The following NMNAT1 variants were observed in gnomAD, a reference collection of about 807,000 sequenced individuals.
NMNAT1 encodes nicotinamide nucleotide adenylyltransferase 1, also known as nicotinamide/nicotinic acid mononucleotide adenylyltransferase 1.
In NMNAT1, 11 loss-of-function variants were observed where a neutral mutation model predicts 16.7. That is an observed-to-expected ratio of 0.66 (90% confidence interval 0.41 to 1.09). NMNAT1 has a LOEUF of 1.09. NMNAT1 is among the 50% of genes least tolerant of loss of function. The probability of loss-of-function intolerance (pLI) is 0.00; values close to 1 mark genes in which losing one functional copy is unlikely to be tolerated. For missense variants in NMNAT1, 280 were observed against 332.3 expected, an observed-to-expected ratio of 0.84 and a Z score of 1.22; for synonymous variants, 110 against 119.8, an observed-to-expected ratio of 0.92 and a Z score of 0.53.
At chr1:9,944,347 A>C (rs1002152560) in intron 1 of NMNAT1, among the ~76,000 whole-genome samples, 3 of 152,178 alleles carry the variant, frequency 2.0e-5, no homozygotes, top group Non-Finnish European at 4.4e-5. Context: ...GGATCATTTG[A>C]GCCCAGGCTG....
intron 1 of NMNAT1, among the ~76,000 whole-genome samples, chr1:9,960,221 G>A (rs947064247): frequency 1.1e-4 from 17 of 151,954 alleles, no homozygotes; most frequent in African/African-American, 4.1e-4. Flanking sequence ...GGATTTGAAG[G>A]CTGCAGTGAG....
At chr1:9,989,318 C>G (rs1337162059), downstream of NMNAT1, among the ~76,000 whole-genome samples, 1 of 152,080 alleles carries the variant, frequency 6.6e-6, no homozygotes, top group Non-Finnish European at 1.5e-5. Context: ...ATTAGCCAGG[C>G]ATGGTGGCGG....
intron 1 of NMNAT1, chr1:9,951,396 A>G (rs1345579910): frequency 6.6e-6 from 1 of 152,216 alleles, no homozygotes; most frequent in Non-Finnish European, 1.5e-5. Context: ...GAAGGTGCCA[A>G]TTTAGCAAGA....
At chr1:9,976,002 T>G in intron 3 of NMNAT1, among the ~76,000 whole-genome samples, 1 of 152,092 alleles carries the variant, frequency 6.6e-6, no homozygotes, top group East Asian at 1.9e-4. Flanking sequence ...TTAAGTTGTT[T>G]GCGGCCAGGC....
chr1:9,987,655 A>ATAAAT (rs563998686), downstream of NMNAT1, among the ~76,000 whole-genome samples: 341 of 151,814 alleles, frequency 2.2e-3, 3 homozygotes, highest in South Asian at 0.017. Flanking sequence ...AAATAAATAA[A>ATAAAT]TAAATTAAAT....
rs12035271 is a variant in NMNAT1 at position 9,961,903 on chromosome 1, G to T, written c.-56-10115G>T. Among the ~76,000 whole-genome samples, 3 of 151,980 alleles carry T rather than the reference G, an allele frequency of 2.0e-5. No individual in the cohort carries two copies. The East Asian group carries it at 5.9e-4, about 30-fold the overall frequency. The stretch of plus-strand genomic sequence containing the variant: ...TCTGCCTCAGCCTCCCAAGTAGCTG[G>T]GATTATGGGCATGTGCCACCATACC... On this transcript the variant is annotated intron_variant, in intron 1 of 4. Coordinates refer to ENST00000377205, the MANE Select transcript of NMNAT1 (RefSeq NM_022787.4).
At chr1:9,986,162 A>G (rs1280393304), downstream of NMNAT1, among the ~76,000 whole-genome samples, 2 of 152,202 alleles carry the variant, frequency 1.3e-5, no homozygotes, top group African/African-American at 2.4e-5. Context: ...AAGCCGCCCA[A>G]TAAATTTTTC....
At chr1:9,960,876 C>G (rs1438624275) in intron 1 of NMNAT1, 1 of 152,292 alleles carries the variant, frequency 6.6e-6, no homozygotes, top group Non-Finnish European at 1.5e-5. Context: ...ACCCATTCAT[C>G]AATCGGCCAC....
intron 1 of NMNAT1, among the ~76,000 whole-genome samples, chr1:9,949,157 C>T (rs1007729641): frequency 6.6e-6 from 1 of 151,020 alleles, no homozygotes; most frequent in Non-Finnish European, 1.5e-5. Flanking sequence ...GTAATCCCAG[C>T]TACGTGGGAG....
the NMNAT1 span, among the ~76,000 whole-genome samples, chr1:9,993,602 G>A: frequency 1.3e-5 from 2 of 152,134 alleles, no homozygotes; most frequent in East Asian, 3.8e-4. Context: ...TGTTTTGAGG[G>A]ACTCAGAAGG....
chr1:9,961,758 C>G (rs556960189), intron 1 of NMNAT1, among the ~76,000 whole-genome samples: 5 of 152,148 alleles, frequency 3.3e-5, no homozygotes, highest in Admixed American at 3.3e-4. Flanking sequence ...TGCCTTCTTT[C>G]GAGAAGGCCC....
chr1:9,970,684 C>T (rs1641668892), intron 1 of NMNAT1, among the ~76,000 whole-genome samples: 2 of 147,126 alleles, frequency 1.4e-5, no homozygotes, highest in Admixed American at 6.8e-5. Context: ...GTGAGACTCC[C>T]GTCTCAAAAA....
chr1:9,986,560 T>C (rs1456445762), downstream of NMNAT1, among the ~76,000 whole-genome samples: 1 of 152,104 alleles, frequency 6.6e-6, no homozygotes, highest in Non-Finnish European at 1.5e-5. Context: ...AGCAAGATCC[T>C]ATCTTTAGAA....
chr1:9,963,870 G>T (rs899429672), intron 1 of NMNAT1, among the ~76,000 whole-genome samples: 1 of 152,058 alleles, frequency 6.6e-6, no homozygotes, highest in African/African-American at 2.4e-5. Context: ...AGAATCAAAT[G>T]ACAATGTGTA....
At chr1:9,975,519 T>C in intron 2 of NMNAT1, 73 bp from the exon 3 acceptor site, 1 of 1,208,576 alleles carries the variant, frequency 8.3e-7, no homozygotes. Context: ...AAACAAATAA[T>C]ATTGATCGTA....
chr1:9,954,789 C>T (rs1641211907), intron 1 of NMNAT1, among the ~76,000 whole-genome samples: 2 of 150,908 alleles, frequency 1.3e-5, no homozygotes, highest in African/African-American at 2.4e-5. Context: ...ACATTAGGTT[C>T]GTGTGGTGGC....
downstream of NMNAT1, among the ~76,000 whole-genome samples, chr1:9,988,494 A>G (rs1642073246): frequency 6.6e-6 from 1 of 152,088 alleles, no homozygotes; most frequent in African/African-American, 2.4e-5. Context: ...TAAGGTCAGG[A>G]GTTCGACACC....
chr1:9,995,779 A>G, the NMNAT1 span, among the ~76,000 whole-genome samples: 2 of 152,250 alleles, frequency 1.3e-5, no homozygotes, highest in African/African-American at 4.8e-5. Flanking sequence ...CTATAATCCC[A>G]GCACTTTGGG....
intron 1 of NMNAT1, chr1:9,949,814 C>T (rs1318913077): frequency 6.6e-6 from 1 of 152,062 alleles, no homozygotes; most frequent in Non-Finnish European, 1.5e-5. Flanking sequence ...ATCTGAATTA[C>T]TGGGGTCTTT....
Sources: gnomAD v4.1 joint callset for allele counts (sites outside exome capture counted in the v4.1 genomes callset) on GRCh38, gnomAD v4.1.1 for gene constraint, MANE v1.5 for transcripts, NCBI Gene and HGNC (gene_info 2026-07-23, HGNC 2026-07-21) for gene names.